Variants in NLRP8 observed in about 807,000 individuals in gnomAD.
The protein encoded by NLRP8 is NACHT, LRR and PYD domains-containing protein 8.
In NLRP8, 86 loss-of-function variants were observed where a neutral mutation model predicts 88.7. The ratio of observed to expected loss-of-function variants is 0.97; its 90% confidence interval spans 0.81 to 1.16. The LOEUF is 1.16. NLRP8 is among the 50% of genes most tolerant of loss of function. NLRP8 has a pLI of 0.00. For synonymous variants in NLRP8, 504 were observed against 494.6 expected (o/e 1.02, Z -0.25); for missense variants, 1,342 against 1,286.5 (o/e 1.04, Z -0.66).
At chr19:55,982,484 A>G (rs1980616411) in intron 9 of NLRP8, among the ~76,000 whole-genome samples, 2 of 152,210 alleles carry the variant, frequency 1.3e-5, no homozygotes, top group South Asian at 2.1e-4. Flanking sequence ...TGTAGAAACA[A>G]TGGTATCATA....
At chr19:55,961,960 G>C (rs1284652640) in intron 3 of NLRP8, 107 bp from the exon 4 acceptor site, 1 of 1,029,744 alleles carries the variant, frequency 9.7e-7, no homozygotes, top group East Asian at 2.4e-5. Flanking sequence ...AGAGTCACTA[G>C]AGGCCTATGG....
rs1456456811 is a variant in NLRP8, at chr19:55,965,003, T to C, written c.2214-1210T>C. On this transcript the variant is annotated intron_variant, in intron 4 of 9. Coordinates refer to ENST00000291971, the MANE Select transcript of NLRP8 (RefSeq NM_176811.2). ...CCCTGGTTTTAGAAAAGGCGTGTGA[T>C]GGCCAGGAGTGGTGGCCCATGACTG... Among the ~76,000 whole-genome samples, 3 of 152,130 alleles carry C rather than the reference T, an allele frequency of 2.0e-5. No homozygotes were observed. The East Asian group carries it at 5.8e-4, about 29-fold the overall frequency.
chr19:55,969,576 A>G (rs1979985749), intron 5 of NLRP8, among the ~76,000 whole-genome samples: 1 of 152,168 alleles, frequency 6.6e-6, no homozygotes, highest in Non-Finnish European at 1.5e-5. Flanking sequence ...TGCATGTGAA[A>G]GTGTCTTTTT....
chr19:55,971,709 C>T (rs1307458493), intron 6 of NLRP8, among the ~76,000 whole-genome samples: 2 of 152,010 alleles, frequency 1.3e-5, no homozygotes, highest in Non-Finnish European at 2.9e-5. Flanking sequence ...AAAAGAATTG[C>T]AGGGCCTTGG....
intron 9 of NLRP8, among the ~76,000 whole-genome samples, chr19:55,983,319 C>T (rs1980648487): frequency 6.6e-6 from 1 of 151,604 alleles, no homozygotes; most frequent in Non-Finnish European, 1.5e-5. Context: ...CAAAAATTAG[C>T]CGGGCGTGGT....
chr19:55,966,870 C>T (rs1600307053), intron 5 of NLRP8, among the ~76,000 whole-genome samples: 1 of 152,082 alleles, frequency 6.6e-6, no homozygotes, highest in Non-Finnish European at 1.5e-5. Context: ...CGTCTGATAC[C>T]AGGAAATCTG....
intron 8 of NLRP8, 113 bp from the exon 9 acceptor site, chr19:55,979,281 C>G (rs1420415301): frequency 8.6e-7 from 1 of 1,168,856 alleles, no homozygotes; most frequent in African/African-American, 1.5e-5. Flanking sequence ...GTTGGAACAA[C>G]ATTACACATT....
chr19:55,957,842 C>T lies in NLRP8; in HGVS notation c.2042+1742C>T, dbSNP rs7257478. Among the ~76,000 whole-genome samples, 1,299 of 151,602 alleles carry T rather than the reference C, an allele frequency of 8.6e-3. 26 individuals are homozygous for T. Among genetic ancestry groups the T allele is most frequent in the African/African-American group, 0.03 (1,226 of 41,252 alleles). On this transcript the variant is annotated intron_variant, in intron 3 of 9. Coordinates refer to ENST00000291971, the MANE Select transcript of NLRP8 (RefSeq NM_176811.2). Reference sequence around the variant, plus strand: ...CATGTAATTCCTCATCCCCTCCACTCGACCAAAACTCTTCCAGAAGATCTT... The same window carrying T: ...CATGTAATTCCTCATCCCCTCCACTTGACCAAAACTCTTCCAGAAGATCTT...
intron 5 of NLRP8, among the ~76,000 whole-genome samples, chr19:55,969,364 G>T (rs1179024430): frequency 6.6e-6 from 1 of 152,124 alleles, no homozygotes; most frequent in African/African-American, 2.4e-5. Flanking sequence ...TACGACGTTT[G>T]GTTTTCCATC....
intron 6 of NLRP8, among the ~76,000 whole-genome samples, chr19:55,971,886 T>C (rs1286406537): frequency 5.3e-5 from 8 of 152,186 alleles, no homozygotes; most frequent in Non-Finnish European, 8.8e-5. Context: ...TGGTACCTTA[T>C]GGTTTTAATT....
At chr19:55,987,582 T>A (rs1980907821) in intron 9 of NLRP8, among the ~76,000 whole-genome samples, 1 of 152,144 alleles carries the variant, frequency 6.6e-6, no homozygotes, top group East Asian at 1.9e-4. Flanking sequence ...CCCAGATAAG[T>A]TAAATGGCTT....
chr19:55,963,512 G>A (rs1026871109), intron 4 of NLRP8, among the ~76,000 whole-genome samples: 1 of 152,114 alleles, frequency 6.6e-6, no homozygotes, highest in Admixed American at 6.6e-5. Context: ...ATTTGAACTG[G>A]GTTGGGAAGG....
intron 9 of NLRP8, among the ~76,000 whole-genome samples, chr19:55,983,153 T>G (rs1351634559): frequency 1.3e-5 from 2 of 151,938 alleles, no homozygotes; most frequent in African/African-American, 4.8e-5. Context: ...ATAGGGCAAT[T>G]GCAAAAGAAA....
At chr19:55,985,440 G>C (rs549084042) in intron 9 of NLRP8, among the ~76,000 whole-genome samples, 1 of 152,134 alleles carries the variant, frequency 6.6e-6, no homozygotes, top group Non-Finnish European at 1.5e-5. Flanking sequence ...GAACAGAAGG[G>C]CATAAACATG....
rs1313339925 is a variant in NLRP8 at position 55,955,744 on chromosome 19, T to A, written c.1686T>A (p.Phe562Leu). 2.5e-6 allele frequency: 4 copies of A among 1,614,028 alleles called. No homozygotes were observed. Among genetic ancestry groups the A allele is most frequent in the Non-Finnish European group, 3.4e-6 (4 of 1,179,996 alleles). The change falls in exon 3 of 10, where the codon TTT becomes TTA. Residue 562 changes from phenylalanine (F) to leucine (L), a missense_variant. Coordinates refer to ENST00000291971, the MANE Select transcript of NLRP8 (RefSeq NM_176811.2). ...ACATGGGACTTTTCTTATTCGGTTT[T>A]CTGAACGAGGCCTGCGCTTCGGCCG...
intron 5 of NLRP8, among the ~76,000 whole-genome samples, chr19:55,967,078 G>T (rs539394100): frequency 1.3e-5 from 2 of 152,206 alleles, no homozygotes; most frequent in East Asian, 3.9e-4. Context: ...ACAAACAATT[G>T]ATTTATACTT....
chr19:55,950,512 A>T (rs1311953315), intron 1 of NLRP8, among the ~76,000 whole-genome samples: 1 of 152,132 alleles, frequency 6.6e-6, no homozygotes, highest in Non-Finnish European at 1.5e-5. Flanking sequence ...GTGCCTACTC[A>T]TTAAAATGTA....
chr19:55,952,739 A>G, intron 2 of NLRP8, 127 bp downstream of exon 2: 1 of 678,870 alleles, frequency 1.5e-6, no homozygotes. Flanking sequence ...AATCAGAACC[A>G]ACATGGCGAA....
chr19:55,975,756 G>C (rs1385116908), intron 7 of NLRP8, among the ~76,000 whole-genome samples: 1 of 152,120 alleles, frequency 6.6e-6, no homozygotes, highest in Non-Finnish European at 1.5e-5. Context: ...GCAAATTAGT[G>C]GTGTTAGGGT....
Sources: allele counts gnomAD v4.1 joint callset (sites outside exome capture counted in the v4.1 genomes callset), GRCh38; gene constraint gnomAD v4.1.1; transcripts MANE v1.5; gene names NCBI Gene and HGNC (gene_info 2026-07-23, HGNC 2026-07-21).